DCDC1: variants seen among roughly 807,000 people sequenced by gnomAD.
DCDC1 encodes the protein doublecortin domain-containing protein 1.
In DCDC1, 200 loss-of-function variants were observed where a neutral mutation model predicts 178.3. The observed-to-expected ratio is 1.12, with a 90% CI of 1.00 to 1.26. The LOEUF is 1.26. Ranked by LOEUF, DCDC1 falls within the 50% of genes most tolerant of loss-of-function variation. DCDC1 has a pLI of 0.00. For missense variants in DCDC1, 1,983 were observed against 1,749.2 expected (o/e 1.13, Z -2.38); for synonymous variants, 690 against 604.8 (o/e 1.14, Z -2.07).
At chr11:31,079,525 T>C (rs1181113145) in intron 17 of DCDC1, among the ~76,000 whole-genome samples, 4 of 152,192 alleles carry the variant, frequency 2.6e-5, no homozygotes, top group African/African-American at 9.6e-5. Context: ...GTCAGGAGTA[T>C]AGGTGATAAC....
chr11:31,333,944 G>T (rs183543359), intron 2 of DCDC1, among the ~76,000 whole-genome samples: 16 of 152,284 alleles, frequency 1.1e-4, no homozygotes, highest in African/African-American at 3.9e-4. Flanking sequence ...GGTTGGGGAA[G>T]TTCTCCTGGA....
intron 9 of DCDC1, among the ~76,000 whole-genome samples, chr11:31,168,646 T>C (rs541227931): frequency 2.6e-5 from 4 of 152,190 alleles, no homozygotes; most frequent in Admixed American, 6.5e-5. Context: ...CTGACGGGGT[T>C]AGTTGCGCTG....
intron 20 of DCDC1, among the ~76,000 whole-genome samples, chr11:31,009,978 T>A (rs1271862234): frequency 2.6e-5 from 4 of 152,152 alleles, no homozygotes; most frequent in Admixed American, 1.3e-4. Flanking sequence ...TTCACTATCA[T>A]GAGAACAGCA....
At chr11:30,886,684 A>T (rs947107579) in intron 36 of DCDC1, among the ~76,000 whole-genome samples, 1 of 152,184 alleles carries the variant, frequency 6.6e-6, no homozygotes, top group African/African-American at 2.4e-5. Context: ...CTTATCTCCA[A>T]ATATAGTCAC....
chr11:31,340,906 A>T (rs773194383), intron 1 of DCDC1, among the ~76,000 whole-genome samples: 25 of 152,162 alleles, frequency 1.6e-4, no homozygotes, highest in Non-Finnish European at 3.4e-4. Flanking sequence ...AGAGAAGGGA[A>T]GGAGAAAACA....
At position 30,925,353 on chromosome 11, in the gene DCDC1, C is replaced by G. The variant is rs778830190; in HGVS notation, c.2953G>C (p.Gly985Arg). 6.2e-7 allele frequency: 1 copy of G among 1,613,746 alleles called. No individual in the cohort carries two copies. Among genetic ancestry groups the G allele is most frequent in the East Asian group, 2.2e-5 (1 of 44,858 alleles). The change falls in exon 23 of 39, where the codon GGG becomes CGG. Residue 985 changes from glycine (G) to arginine (R), a missense_variant. Gly to Arg is a moderately radical substitution (Grantham distance 125, BLOSUM62 -2). Coordinates refer to ENST00000684477, the MANE Select transcript of DCDC1 (RefSeq NM_001387274.1). ...SAARRLYNEK[G>R]KEIFALKDLQ... ...TCTTTTAAGGCAAATATTTCCTTCC[C>G]CTTTTCATTGTACAATCTCCGAGCT...
intron 34 of DCDC1, among the ~76,000 whole-genome samples, chr11:30,897,046 G>A (rs1481892549): frequency 1.3e-5 from 2 of 152,156 alleles, no homozygotes; most frequent in East Asian, 3.9e-4. Context: ...ACTAAGACTT[G>A]TTCTTATTTA....
chr11:31,253,909 A>C (rs1166398436), intron 8 of DCDC1, among the ~76,000 whole-genome samples: 4 of 152,202 alleles, frequency 2.6e-5, no homozygotes, highest in African/African-American at 9.6e-5. Flanking sequence ...TGTCACTTGC[A>C]ATGCTCTTCC....
At chr11:31,082,124 T>G (rs1327121118) in intron 17 of DCDC1, among the ~76,000 whole-genome samples, 2 of 152,014 alleles carry the variant, frequency 1.3e-5, no homozygotes, top group Non-Finnish European at 1.5e-5. Context: ...ACGACATCAA[T>G]AACGAAAGGA....
chr11:31,073,137 C>T (rs1224161478), intron 18 of DCDC1, among the ~76,000 whole-genome samples: 1 of 152,036 alleles, frequency 6.6e-6, no homozygotes, highest in African/African-American at 2.4e-5. Flanking sequence ...GAATGAAATG[C>T]CTCATTAATA....
At chr11:30,965,472 G>C (rs1949369773) in intron 20 of DCDC1, among the ~76,000 whole-genome samples, 3 of 151,968 alleles carry the variant, frequency 2.0e-5, no homozygotes, top group Admixed American at 2.0e-4. Flanking sequence ...ATGGGGATGG[G>C]ACCCACACCA....
chr11:31,248,579 A>G (rs1943742324), intron 8 of DCDC1, among the ~76,000 whole-genome samples: 1 of 152,090 alleles, frequency 6.6e-6, no homozygotes, highest in African/African-American at 2.4e-5. Context: ...TGAGTAAAAC[A>G]GTTTGGTACC....
intron 9 of DCDC1, among the ~76,000 whole-genome samples, chr11:31,192,047 G>A (rs556922028): frequency 1.3e-5 from 2 of 152,062 alleles, no homozygotes; most frequent in Admixed American, 6.6e-5. Context: ...AGAAACCAGG[G>A]AGCCATGCCT....
At chr11:31,208,430 A>G (rs1364479505) in intron 9 of DCDC1, among the ~76,000 whole-genome samples, 2 of 152,140 alleles carry the variant, frequency 1.3e-5, no homozygotes, top group African/African-American at 2.4e-5. Context: ...AATTTTCACT[A>G]TAGAGTTCAT....
chr11:31,240,374 A>T (rs1389066720), intron 9 of DCDC1, among the ~76,000 whole-genome samples: 1 of 152,028 alleles, frequency 6.6e-6, no homozygotes, highest in Non-Finnish European at 1.5e-5. Context: ...TTTGCTGAAT[A>T]TAACGAGACA....
intron 7 of DCDC1, among the ~76,000 whole-genome samples, chr11:31,273,897 G>A (rs1031514857): frequency 6.6e-6 from 1 of 152,158 alleles, no homozygotes; most frequent in Non-Finnish European, 1.5e-5. Context: ...GCAGCAAGCA[G>A]AGAGAGAGCT....
chr11:30,975,937 T>G (rs935227027), intron 20 of DCDC1, among the ~76,000 whole-genome samples: 1 of 152,060 alleles, frequency 6.6e-6, no homozygotes, highest in Non-Finnish European at 1.5e-5. Flanking sequence ...GCTGGAGGCA[T>G]CATGCTACCT....
At chr11:30,921,694 T>C (rs1328870786) in intron 24 of DCDC1, among the ~76,000 whole-genome samples, 1 of 152,118 alleles carries the variant, frequency 6.6e-6, no homozygotes, top group Non-Finnish European at 1.5e-5. Flanking sequence ...ATGTCTTGAT[T>C]CTCTCTACAG....
chr11:31,240,792 C>T (rs918962893), intron 9 of DCDC1, among the ~76,000 whole-genome samples: 2 of 151,962 alleles, frequency 1.3e-5, no homozygotes, highest in Non-Finnish European at 1.5e-5. Flanking sequence ...AGTTATTCTG[C>T]TTTACAAATG....
Sources: allele counts gnomAD v4.1 joint callset (sites outside exome capture counted in the v4.1 genomes callset), GRCh38; gene constraint gnomAD v4.1.1; transcripts MANE v1.5; gene names NCBI Gene and HGNC (gene_info 2026-07-23, HGNC 2026-07-21).